Variants in PCMTD1 observed in about 807,000 individuals in gnomAD.
PCMTD1 encodes protein-L-isoaspartate O-methyltransferase domain-containing protein 1.
A neutral mutation model predicts 37.6 loss-of-function variants in PCMTD1; 12 were observed. That is an observed-to-expected ratio of 0.32 (90% CI 0.20 to 0.52). The LOEUF (loss-of-function observed/expected upper bound fraction) is 0.52, where lower values mean the gene tolerates loss of function less well. Among genes scored for constraint, PCMTD1 ranks in the 20% least tolerant of loss-of-function variants. The pLI, the probability that PCMTD1 is intolerant of heterozygous loss-of-function variation, is 0.97. For synonymous variants in PCMTD1, 117 were observed against 135.8 expected (o/e 0.86, Z 0.96); for missense variants, 235 against 421.3 (o/e 0.56, Z 3.87).
chr8:51,827,302 G>C, intron 5 of PCMTD1: 2 of 1,260,018 alleles, frequency 1.6e-6, no homozygotes, highest in Non-Finnish European at 2.1e-6. Context: ...AAGTACAGTA[G>C]TCTCCCTTTA....
At chr8:51,878,250 G>GTTTTTTTTTTTTTTT (rs375362623) in intron 1 of PCMTD1, among the ~76,000 whole-genome samples, 2 of 139,162 alleles carry the variant, frequency 1.4e-5, no homozygotes, top group Non-Finnish European at 3.1e-5. Flanking sequence ...TTTTTTTTTG[G>GTTTTTTTTTTTTTTT]TTTTTTTTTT....
chr8:51,874,605 T>G lies in PCMTD1; in HGVS notation c.-95-13359A>C, dbSNP rs891417768. 7.1e-5 allele frequency among the ~76,000 whole-genome samples: 6 copies of G among 84,916 alleles called. No homozygotes were observed. The Admixed American group carries it at 9.0e-4, about 13-fold the overall frequency. The allele number at this position is 84,916 out of a possible 152,430, so 55.7% of individuals were successfully genotyped here. A position where few individuals can be genotyped will look rare whatever the true frequency, so the allele number is the denominator to read the frequency against. On this transcript the variant is annotated intron_variant, in intron 1 of 5. Coordinates refer to ENST00000522514, the MANE Select transcript of PCMTD1 (RefSeq NM_052937.4). ...TTCATATTAATTGGTCTTCAAACTGTAAATAGCAGCCAAACAGTGTAAAAT... is the reference window on the plus strand; with the variant it reads ...TTCATATTAATTGGTCTTCAAACTGGAAATAGCAGCCAAACAGTGTAAAAT...
chr8:51,874,171 T>C (rs956681143), intron 1 of PCMTD1, among the ~76,000 whole-genome samples: 2 of 152,180 alleles, frequency 1.3e-5, no homozygotes, highest in Non-Finnish European at 2.9e-5. Context: ...TGCTCAGGTA[T>C]TTCTCTATAG....
chr8:51,837,098 C>G (rs530300670), intron 3 of PCMTD1, among the ~76,000 whole-genome samples: 5 of 152,266 alleles, frequency 3.3e-5, no homozygotes, highest in African/African-American at 1.2e-4. Flanking sequence ...ATCAACCATC[C>G]TTATTATTCT....
Position 51,828,724 on chromosome 8 carries a change from A to C in PCMTD1, c.706+2720T>G, listed in dbSNP as rs562771597. Among the ~76,000 whole-genome samples the C allele has an allele frequency of 2.3e-4, 35 of 152,344 alleles. 1 individual carries two copies. The highest frequency in any genetic ancestry group is 8.2e-4 in the African/African-American group (34 of 41,590). ...CCACCATAAGTCAAGGAGCATCTGT[A>C]GTCTACTAAAAAGTAGACTTCATGG... On this transcript the variant is annotated intron_variant, in intron 5 of 5. Transcript: ENST00000522514.
intron 5 of PCMTD1, among the ~76,000 whole-genome samples, chr8:51,821,975 T>C (rs564211819): frequency 6.6e-6 from 1 of 152,306 alleles, no homozygotes; most frequent in East Asian, 1.9e-4. Flanking sequence ...GACCTCGTGA[T>C]CCGCCCACCT....
chr8:51,861,185 T>A lies in PCMTD1; in HGVS notation c.-34A>T. ...TCAAATCAAATCATAAATTTAAAAG[T>A]GAAATAAAATTAGTAGAAATGGCTT... On this transcript the variant is annotated 5_prime_UTR_variant, in exon 2 of 6. Transcript: ENST00000522514. 1 of 1,540,744 alleles carries A rather than the reference T, an allele frequency of 6.5e-7. No homozygotes were observed. Among genetic ancestry groups the A allele is most frequent in the South Asian group, 1.3e-5 (1 of 78,748 alleles).
At chr8:51,868,770 C>T (rs1420786394) in intron 1 of PCMTD1, among the ~76,000 whole-genome samples, 1 of 152,090 alleles carries the variant, frequency 6.6e-6, no homozygotes, top group Admixed American at 6.6e-5. Context: ...AATGTGGAAA[C>T]TGAATTATAA....
At chr8:51,832,714 AAAAAT>A (rs769087364) in intron 4 of PCMTD1, among the ~76,000 whole-genome samples, 1 of 152,250 alleles carries the variant, frequency 6.6e-6, no homozygotes, top group African/African-American at 2.4e-5. Flanking sequence ...CCAAGGCTAA[AAAAAT>A]AAATTTAATA....
At chr8:51,830,232 C>T (rs772683669) in intron 5 of PCMTD1, among the ~76,000 whole-genome samples, 5 of 152,286 alleles carry the variant, frequency 3.3e-5, no homozygotes, top group East Asian at 1.9e-4. Context: ...CTCCACTCTC[C>T]GCTAAATGAT....
chr8:51,821,107 A>C (rs968322123), intron 5 of PCMTD1, among the ~76,000 whole-genome samples: 3 of 152,216 alleles, frequency 2.0e-5, no homozygotes, highest in African/African-American at 7.2e-5. Context: ...CTACTTATTC[A>C]TAACAACAGA....
At chr8:51,822,613 TAGG>T (rs1468664948) in intron 5 of PCMTD1, among the ~76,000 whole-genome samples, 1 of 152,226 alleles carries the variant, frequency 6.6e-6, no homozygotes, top group Non-Finnish European at 1.5e-5. Context: ...AACTGAATGC[TAGG>T]AGATTACGTA....
intron 3 of PCMTD1, among the ~76,000 whole-genome samples, chr8:51,835,791 C>T (rs2038059291): frequency 6.6e-6 from 1 of 152,172 alleles, no homozygotes; most frequent in Admixed American, 6.5e-5. Context: ...GCTTACAGAA[C>T]TACTGCCAAG....
intron 1 of PCMTD1, among the ~76,000 whole-genome samples, chr8:51,893,319 T>A (rs139700752): frequency 2.1e-4 from 32 of 152,336 alleles, no homozygotes; most frequent in African/African-American, 7.2e-4. Context: ...CTGTAACTTC[T>A]GCATGATAAC....
At chr8:51,832,867 G>A (rs922682948) in intron 4 of PCMTD1, among the ~76,000 whole-genome samples, 1 of 152,064 alleles carries the variant, frequency 6.6e-6, no homozygotes, top group African/African-American at 2.4e-5. Flanking sequence ...TCTTTTCTGA[G>A]ACAGGGTCTC....
intron 3 of PCMTD1, among the ~76,000 whole-genome samples, chr8:51,840,131 C>G (rs1263498011): frequency 6.6e-6 from 1 of 152,066 alleles, no homozygotes; most frequent in Non-Finnish European, 1.5e-5. Context: ...AGCATTATTC[C>G]AAGCAATGTG....
intron 1 of PCMTD1, among the ~76,000 whole-genome samples, chr8:51,872,736 C>T (rs2038656663): frequency 6.6e-6 from 1 of 152,196 alleles, no homozygotes. Flanking sequence ...CTGGGGACTA[C>T]TCATCGCTTC....
chr8:51,850,980 A>G (rs560489994), intron 2 of PCMTD1, among the ~76,000 whole-genome samples: 1 of 152,312 alleles, frequency 6.6e-6, no homozygotes, highest in East Asian at 1.9e-4. Flanking sequence ...ATAAAGGAAA[A>G]AGGAGGAAAG....
intron 2 of PCMTD1, among the ~76,000 whole-genome samples, chr8:51,853,122 T>G (rs1158800453): frequency 6.6e-6 from 1 of 152,164 alleles, no homozygotes; most frequent in Non-Finnish European, 1.5e-5. Context: ...AAAGCCAAAG[T>G]TGTTCATTCC....
Sources: gnomAD v4.1 joint callset for allele counts (sites outside exome capture counted in the v4.1 genomes callset) on GRCh38, gnomAD v4.1.1 for gene constraint, MANE v1.5 for transcripts, NCBI Gene and HGNC (gene_info 2026-07-23, HGNC 2026-07-21) for gene names.